Variants in PRMT2 observed in about 807,000 individuals in gnomAD.
PRMT2 encodes the protein protein arginine N-methyltransferase 2.
PRMT2 carries 26 observed loss-of-function variants against 57.6 expected under a neutral mutation model. The ratio of observed to expected loss-of-function variants is 0.45; its 90% CI spans 0.33 to 0.63. The LOEUF (loss-of-function observed/expected upper bound fraction) is 0.63, where lower values mean the gene tolerates loss of function less well. Ranked by LOEUF, PRMT2 falls within the 20% of genes least tolerant of loss-of-function variation. The pLI is 0.02. For synonymous variants in PRMT2, 219 were observed against 220.0 expected, an observed-to-expected ratio of 1.00 and a Z score of 0.04; for missense variants, 472 against 564.4, an observed-to-expected ratio of 0.84 and a Z score of 1.66.
At chr21:46,652,777 A>G (rs2061480134) in intron 7 of PRMT2, 1 of 1,208,466 alleles carries the variant, frequency 8.3e-7, no homozygotes, top group East Asian at 6.4e-5. Flanking sequence ...TAGATTGTCA[A>G]CAGACCATTT....
intron 3 of PRMT2, among the ~76,000 whole-genome samples, chr21:46,642,825 C>T (rs991037327): frequency 2.0e-5 from 3 of 152,096 alleles, no homozygotes; most frequent in African/African-American, 7.2e-5. Flanking sequence ...GATTTCGAGG[C>T]CAACCTGGGC....
intron 7 of PRMT2, among the ~76,000 whole-genome samples, chr21:46,655,452 G>A (rs957976196): frequency 1.3e-5 from 2 of 152,062 alleles, no homozygotes; most frequent in African/African-American, 4.8e-5. Context: ...GTCTGAAGAA[G>A]AAAAATCATG....
rs139775804 is a variant in PRMT2, at chr21:46,639,754, T to C, written c.39+2764T>C. On this transcript the variant is annotated intron_variant, in intron 3 of 11. Coordinates refer to ENST00000355680, the MANE Select transcript of PRMT2 (RefSeq NM_206962.4). ...TTTTTTTTCCCTCAACTTAAGTCCT[T>C]ATATTTAAAGCGTTTTTCTCGTAAA... Among the ~76,000 whole-genome samples, 244 of 151,886 alleles carry C rather than the reference T, an allele frequency of 1.6e-3. No homozygotes were observed. In the Middle Eastern group the frequency reaches 0.021, roughly 13 times the overall value.
chr21:46,648,182 A>G lies in PRMT2; in HGVS notation c.328-276A>G, dbSNP rs913615701. 10 of 369,920 alleles carry G rather than the reference A, an allele frequency of 2.7e-5. No individual in the cohort carries two copies. Among genetic ancestry groups the G allele is most frequent in the African/African-American group, 2.0e-4 (10 of 50,388 alleles). The allele number at this position is 369,920 out of a possible 1,614,324, so 22.9% of individuals were successfully genotyped here. On this transcript the variant is annotated intron_variant, in intron 5 of 11. Transcript: ENST00000355680. This position sits in a 1 kb window ranked among gnomAD's most constrained non-coding sequence, Gnocchi z 4.8. ...TCTCTTAGTATTTTAAGATAAGGACAATATCTCTTTGTCATACATGGTTGT... is the reference window on the plus strand; with the variant it reads ...TCTCTTAGTATTTTAAGATAAGGACGATATCTCTTTGTCATACATGGTTGT...
At chr21:46,637,116 A>G in intron 3 of PRMT2, 126 bp downstream of exon 3, 3 of 849,916 alleles carry the variant, frequency 3.5e-6, no homozygotes, top group Non-Finnish European at 5.5e-6. Flanking sequence ...CCGGCAGTAG[A>G]ATGCTTAAAT....
intron 8 of PRMT2, chr21:46,659,549 T>C (rs2061589362): frequency 1.0e-6 from 1 of 957,224 alleles, no homozygotes; most frequent in Non-Finnish European, 1.2e-6. Flanking sequence ...TACCAATAAA[T>C]ATATGAAAAA....
intron 7 of PRMT2, among the ~76,000 whole-genome samples, chr21:46,650,290 C>CG (rs34824633): frequency 0.99 from 150,437 of 152,220 alleles, 74,356 homozygotes; most frequent in Middle Eastern, 1. Context: ...GCTGTCTGCC[C>CG]GCGCTGTCTT....
At chr21:46,661,126 G>GTTC in intron 9 of PRMT2, 164 bp downstream of exon 9, 1 of 682,204 alleles carries the variant, frequency 1.5e-6, no homozygotes, top group Non-Finnish European at 2.2e-6. Flanking sequence ...GTTTGCTACT[G>GTTC]ATTTTTTCCA....
rs189109242 is a variant in PRMT2, at chr21:46,641,257, C to T, written c.40-2278C>T. Among the ~76,000 whole-genome samples the T allele has an allele frequency of 1.8e-3, 270 of 152,158 alleles. 2 individuals are homozygous for T. Among genetic ancestry groups the T allele is most frequent in the South Asian group, 1.2e-3 (6 of 4,826 alleles). ...GGTTATGGTGGTAGAAAACTGGATA[C>T]CAAGACAAAGTCTATCAAAGGGGGA... On this transcript the variant is annotated intron_variant, in intron 3 of 11. Transcript: ENST00000355680.
intron 8 of PRMT2, 189 bp downstream of exon 8, chr21:46,659,109 G>A: frequency 7.3e-7 from 1 of 1,366,814 alleles, no homozygotes; most frequent in Non-Finnish European, 9.4e-7. Context: ...AAGACAGATG[G>A]GCAGAGCAGG....
At chr21:46,652,057 A>C (rs534836561) in intron 7 of PRMT2, 2 of 1,606,838 alleles carry the variant, frequency 1.2e-6, no homozygotes, top group East Asian at 4.5e-5. Context: ...ATGTGCGTTT[A>C]GCATAGGAGG....
Position 46,661,824 on chromosome 21 carries a change from G to A in PRMT2, c.985G>A (p.Asp329Asn), listed in dbSNP as rs1178891586. 2.0e-6 allele frequency: 3 copies of A among 1,483,130 alleles called. No homozygotes were observed. Among genetic ancestry groups the A allele is most frequent in the African/African-American group, 2.9e-5 (2 of 69,146 alleles). 91.9% of individuals were successfully genotyped at this position (1,483,130 alleles called of 1,614,324 possible). The stretch of plus-strand genomic sequence containing the variant: ...GACCCTGAGGGGCGAGCTGCGCTTC[G>A]ACATCAGGAAGGCGGGGACCCTGCA... ...LETLRGELRF[D>N]IRKAGTLHGF... The change falls in exon 10 of 12, where the codon GAC becomes AAC. Residue 329 changes from aspartate to asparagine, a missense_variant. Physicochemically the swap from Asp to Asn is conservative, Grantham distance 23. Around this residue, in one of 2 missense-constraint regions of PRMT2, gnomAD observed 229 missense variants for 217.2 expected, o/e 1.05. Coordinates refer to ENST00000355680, the MANE Select transcript of PRMT2 (RefSeq NM_206962.4).
At chr21:46,661,239 C>T (rs2061615180) in intron 9 of PRMT2, 2 of 256,460 alleles carry the variant, frequency 7.8e-6, no homozygotes, top group Non-Finnish European at 1.5e-5. Context: ...TTCTCAGCAT[C>T]TTCAAAATCA....
rs76937225 is a variant in PRMT2 at position 46,649,770 on chromosome 21, C to A, written c.654+31C>A. The stretch of plus-strand genomic sequence containing the variant: ...GGCGGGCGTGCGGGCAGCTGGGGGC[C>A]GGAGCTGGGGGGCTTCTGAGCACGG... On this transcript the variant is annotated intron_variant, in intron 7 of 11. Coordinates refer to ENST00000355680, the MANE Select transcript of PRMT2 (RefSeq NM_206962.4). The surrounding 1 kb of genome is among the most constrained non-coding windows in gnomAD (Gnocchi z 4.8). 1 of 1,600,640 alleles carries A rather than the reference C, an allele frequency of 6.2e-7. No individual in the cohort carries two copies. Among genetic ancestry groups the A allele is most frequent in the Admixed American group, 1.7e-5 (1 of 57,494 alleles).
chr21:46,649,777 G>T lies in PRMT2; in HGVS notation c.654+38G>T. 1 of 1,596,600 alleles carries T rather than the reference G, an allele frequency of 6.3e-7. No homozygotes were observed. Among genetic ancestry groups the T allele is most frequent in the Non-Finnish European group, 8.5e-7 (1 of 1,171,252 alleles). ...GTGCGGGCAGCTGGGGGCCGGAGCT[G>T]GGGGGCTTCTGAGCACGGGCTCGGC... On this transcript the variant is annotated intron_variant, in intron 7 of 11. Transcript: ENST00000355680. The surrounding 1 kb of genome is among the most constrained non-coding windows in gnomAD (Gnocchi z 4.8).
rs976278645 is a variant in PRMT2 at position 46,648,407 on chromosome 21, C to T, written c.328-51C>T. ...TGACCCTCCATCTCAGTCCAGACCT[C>T]AGCATGGCTCTAGGTCACAGGCAGT... is the stretch of plus-strand genomic sequence containing the variant. On this transcript the variant is annotated intron_variant, in intron 5 of 11. Transcript: ENST00000355680. This position sits in a 1 kb window ranked among gnomAD's most constrained non-coding sequence, Gnocchi z 4.8. 3.8e-6 allele frequency: 6 copies of T among 1,594,812 alleles called. No individual in the cohort carries two copies. The highest frequency in any genetic ancestry group is 5.1e-6 in the Non-Finnish European group (6 of 1,167,118).
chr21:46,648,456 A>C lies in PRMT2; in HGVS notation c.328-2A>C. The C allele has an allele frequency of 6.2e-7, 1 of 1,613,866 alleles. No homozygotes were observed. Among genetic ancestry groups the C allele is most frequent in the Middle Eastern group, 1.7e-4 (1 of 6,058 alleles). ...GTGATTCTGAATGTGCATTTCTTCC[A>C]GAAACTCCACTTGGAGATGTTGGCA... On this transcript the variant is annotated splice_acceptor_variant, in intron 5 of 11. Transcript: ENST00000355680. LOFTEE classifies it high-confidence loss of function. The surrounding 1 kb of genome is among the most constrained non-coding windows in gnomAD (Gnocchi z 4.8).
chr21:46,645,707 TTTTG>T (rs1281373953), intron 5 of PRMT2, among the ~76,000 whole-genome samples: 6 of 151,914 alleles, frequency 3.9e-5, no homozygotes, highest in African/African-American at 7.2e-5. Context: ...TTAGAAGGTT[TTTTG>T]TTTGTTTTTG....
chr21:46,662,605 C>G (rs990562033), intron 10 of PRMT2, among the ~76,000 whole-genome samples: 1 of 152,110 alleles, frequency 6.6e-6, no homozygotes, highest in Admixed American at 6.5e-5. Flanking sequence ...TACCCATCCC[C>G]GAGTCTGGGG....
Sources: allele counts gnomAD v4.1 joint callset (sites outside exome capture counted in the v4.1 genomes callset), GRCh38; gene constraint gnomAD v4.1.1; regional missense constraint gnomAD v4.1.1; non-coding constraint Gnocchi (gnomAD v3.1); transcripts MANE v1.5; gene names NCBI Gene and HGNC (gene_info 2026-07-23, HGNC 2026-07-21).